The following CR1 variants were observed in gnomAD, a reference collection of about 807,000 sequenced individuals.
The protein encoded by CR1 is complement receptor type 1.
A neutral mutation model predicts 187.3 loss-of-function variants in CR1; 116 were observed. The ratio of observed to expected loss-of-function variants is 0.62; its 90% CI spans 0.53 to 0.72. The LOEUF (loss-of-function observed/expected upper bound fraction) is 0.72. Ranked by LOEUF, CR1 falls within the 30% of genes least tolerant of loss-of-function variation. The pLI is 0.00. For synonymous variants in CR1, 576 were observed against 747.1 expected (o/e 0.77, Z 3.73); for missense variants, 1,731 against 2,110.7 (o/e 0.82, Z 3.52).
At chr1:207,590,925 C>T (rs184585584) in intron 35 of CR1, among the ~76,000 whole-genome samples, 168 of 152,248 alleles carry the variant, frequency 1.1e-3, no homozygotes, top group Non-Finnish European at 2.0e-3. Flanking sequence ...TATATGCACC[C>T]AATACAGGAG....
Position 207,580,600 on chromosome 1 carries a change from G to A in CR1, c.5203G>A (p.Val1735Ile). The A allele has an allele frequency of 3.7e-6, 6 of 1,612,246 alleles. No individual in the cohort carries two copies. Among genetic ancestry groups the A allele is most frequent in the Non-Finnish European group, 5.1e-6 (6 of 1,179,554 alleles). Residue 1735 changes from valine to isoleucine, a missense_variant, in exon 31 of 47, where the codon GTC (valine) becomes ATC (isoleucine). Val to Ile is a conservative substitution (Grantham distance 29). Coordinates refer to ENST00000367049, the MANE Select transcript of CR1 (RefSeq NM_000651.6). ...CCAGCTTGGGGCAAAGGTGTCCTTT[G>A]TCTGTGATGAAGGGTAAGTGTGACC... ...NLQLGAKVSFVCDEGFRLKGS... is the reference protein window; with the variant it reads ...NLQLGAKVSFICDEGFRLKGS...
chr1:207,577,008 T>C (rs1660768304), intron 28 of CR1, among the ~76,000 whole-genome samples: 1 of 152,082 alleles, frequency 6.6e-6, no homozygotes, highest in Non-Finnish European at 1.5e-5. Context: ...CCCAGCACAT[T>C]AGGAGGCTGA....
intron 31 of CR1, among the ~76,000 whole-genome samples, chr1:207,581,142 G>C (rs1054535317): frequency 6.6e-6 from 1 of 151,544 alleles, no homozygotes; most frequent in South Asian, 2.1e-4. Context: ...ATATGGACAC[G>C]TATATGTATA....
rs1436556198 is a variant in CR1, at chr1:207,523,926, C to T, written c.803C>T (p.Pro268Leu). Residue 268 changes from proline (P) to leucine (L), a missense_variant, in exon 5 of 47, where the codon CCT becomes CTT. Coordinates refer to ENST00000367049, the MANE Select transcript of CR1 (RefSeq NM_000651.6). ...GAAGTTGTGGAGTTTAGGTGTCAGC[C>T]TGGCTTTGTCATGAAAGGACCCCGC... ...LNEVVEFRCQPGFVMKGPRRV... is the reference protein window; with the variant it reads ...LNEVVEFRCQLGFVMKGPRRV... 1 of 1,611,370 alleles carries T rather than the reference C, an allele frequency of 6.2e-7. No individual in the cohort carries two copies.
At chr1:207,633,423 T>A (rs1662712269) in intron 46 of CR1, among the ~76,000 whole-genome samples, 1 of 152,254 alleles carries the variant, frequency 6.6e-6, no homozygotes, top group African/African-American at 2.4e-5. Flanking sequence ...TTATATTGAT[T>A]GCACAATATT....
rs1481061448 is a variant in CR1, at chr1:207,620,110, A to T, written c.7252+45A>T. 3.8e-6 allele frequency: 6 copies of T among 1,566,318 alleles called. No homozygotes were observed. The East Asian group carries it at 9.0e-5, about 24-fold the overall frequency. Reference sequence around the variant, plus strand: ...ATGTGGGATCTTCCCGGTCATGGTTATTGCTCATTCATTCATCCATATTGG... The same window carrying T: ...ATGTGGGATCTTCCCGGTCATGGTTTTTGCTCATTCATTCATCCATATTGG... On this transcript the variant is annotated intron_variant, in intron 43 of 46. Transcript: ENST00000367049.
intron 35 of CR1, chr1:207,598,758 T>C (rs1486823422): frequency 6.6e-6 from 1 of 152,156 alleles, no homozygotes; most frequent in Admixed American, 6.5e-5. Flanking sequence ...CTAACTAACG[T>C]ATTGAAATAC....
At position 207,639,709 on chromosome 1, in the gene CR1, A is replaced by C. The variant is rs192021844; in HGVS notation, c.*300A>C. ...ATAGTTTGGATTACTTAAAGGAATA[A>C]GGTGTTGCCTGGAATTTCTGGTTTG... is the stretch of plus-strand genomic sequence containing the variant. On this transcript the variant is annotated 3_prime_UTR_variant, in exon 47 of 47. Coordinates refer to ENST00000367049, the MANE Select transcript of CR1 (RefSeq NM_000651.6). 76 of 268,198 alleles carry C rather than the reference A, an allele frequency of 2.8e-4. No homozygotes were observed. In the East Asian group the frequency reaches 5.0e-3, roughly 17 times the overall value. The allele number at this position is 268,198 out of a possible 1,614,324, so 16.6% of individuals were successfully genotyped here.
intron 4 of CR1, among the ~76,000 whole-genome samples, chr1:207,515,986 A>G (rs1031622596): frequency 6.6e-6 from 1 of 152,160 alleles, no homozygotes; most frequent in African/African-American, 2.4e-5. Context: ...AGGCCAAGGC[A>G]GGAGGATTGC....
At chr1:207,574,058 A>G (rs926994336) in intron 27 of CR1, among the ~76,000 whole-genome samples, 4 of 152,218 alleles carry the variant, frequency 2.6e-5, no homozygotes, top group African/African-American at 7.2e-5. Flanking sequence ...ACCTGAGCCC[A>G]GGAGGCTGAG....
chr1:207,640,813 T>C lies in CR1; in HGVS notation c.*1404T>C, dbSNP rs1032987839. ...ATTTCTATGTAATTCTGTTTAATAG[T>C]TGCTTTAAAGGTGAATTTTGCCACA... On this transcript the variant is annotated 3_prime_UTR_variant, in exon 47 of 47. Coordinates refer to ENST00000367049, the MANE Select transcript of CR1 (RefSeq NM_000651.6). 6.6e-6 allele frequency: 1 copy of C among 152,216 alleles called. No individual in the cohort carries two copies. The highest frequency in any genetic ancestry group is 2.4e-5 in the African/African-American group (1 of 41,454). 9.4% of individuals were successfully genotyped at this position (152,216 alleles called of 1,614,324 possible).
In CR1 at chr1:207,618,186, A is replaced by G. The variant is rs1662205439; in HGVS notation, c.7005A>G (p.Gly2335=). The G allele has an allele frequency of 6.2e-7, 1 of 1,613,716 alleles. No individual in the cohort carries two copies. The highest frequency in any genetic ancestry group is 1.3e-5 in the African/African-American group (1 of 74,906). The change falls in exon 42 of 47, where the codon GGA becomes GGG. Residue 2335 remains glycine (G), a synonymous_variant. Coordinates refer to ENST00000367049, the MANE Select transcript of CR1 (RefSeq NM_000651.6). ...GTGACCCCGGCTACCTGTTAGTGGG[A>G]AAGGGCTTCATTTTCTGTACAGACC... The part of the protein sequence containing the change: ...YICDPGYLLV[G]KGFIFCTDQG...
At chr1:207,584,947 T>G in intron 33 of CR1, 71 bp downstream of exon 33, 1 of 1,587,836 alleles carries the variant, frequency 6.3e-7, no homozygotes, top group South Asian at 1.1e-5. Context: ...GTTTCTGTAA[T>G]AAGACTATGG....
chr1:207,586,001 A>G (rs1661100361), intron 33 of CR1, among the ~76,000 whole-genome samples: 1 of 152,174 alleles, frequency 6.6e-6, no homozygotes. Context: ...AATTGTAAAA[A>G]CTGTAAAACA....
intron 45 of CR1, among the ~76,000 whole-genome samples, chr1:207,624,168 C>T (rs1279444164): frequency 6.6e-6 from 1 of 151,870 alleles, no homozygotes; most frequent in Non-Finnish European, 1.5e-5. Context: ...TCAAGTGATC[C>T]ACCCGCCTCA....
chr1:207,613,615 T>A (rs1558268125), intron 39 of CR1, among the ~76,000 whole-genome samples: 1 of 152,156 alleles, frequency 6.6e-6, no homozygotes, highest in East Asian at 1.9e-4. Context: ...TTTCAAGTGG[T>A]ATTATTAGTT....
intron 45 of CR1, among the ~76,000 whole-genome samples, chr1:207,628,754 T>G (rs1391822001): frequency 6.6e-6 from 1 of 152,246 alleles, no homozygotes; most frequent in East Asian, 1.9e-4. Context: ...CCTTTTTTCT[T>G]TCAATATTCT....
At chr1:207,512,931 G>C (rs1212510716) in intron 4 of CR1, among the ~76,000 whole-genome samples, 2 of 152,124 alleles carry the variant, frequency 1.3e-5, no homozygotes, top group Non-Finnish European at 2.9e-5. Flanking sequence ...AAAAGGCTAG[G>C]GGAAGATTTA....
rs150394184 is a variant in CR1 at position 207,592,912 on chromosome 1, A to G, written c.5810+4138A>G. ...GGAAGTGAAGGACATCTTCAAGGAG[A>G]ACTACAAACCACTGCTCAAGGAAGT... is the stretch of plus-strand genomic sequence containing the variant. On this transcript the variant is annotated intron_variant, in intron 35 of 46. Transcript: ENST00000367049. Among the ~76,000 whole-genome samples, 293 of 152,216 alleles carry G rather than the reference A, an allele frequency of 1.9e-3. 1 individual carries two copies. Among genetic ancestry groups the G allele is most frequent in the Non-Finnish European group, 3.6e-3 (246 of 67,998 alleles).
Sources: allele counts gnomAD v4.1 joint callset (sites outside exome capture counted in the v4.1 genomes callset), GRCh38; gene constraint gnomAD v4.1.1; transcripts MANE v1.5; gene names NCBI Gene and HGNC (gene_info 2026-07-23, HGNC 2026-07-21).